The following SLCO3A1 variants were observed in gnomAD, a reference collection of about 807,000 sequenced individuals.
SLCO3A1 encodes PGE1 transporter.
A neutral mutation model predicts 63.1 loss-of-function variants in SLCO3A1; 27 were observed. The ratio of observed to expected loss-of-function variants is 0.43; its 90% CI spans 0.32 to 0.59. The LOEUF (loss-of-function observed/expected upper bound fraction) is 0.59. Among genes scored for constraint, SLCO3A1 ranks in the 20% least tolerant of loss-of-function variants. The pLI, the probability that SLCO3A1 is intolerant of heterozygous loss-of-function variation, is 0.09. For synonymous variants in SLCO3A1, 473 were observed against 409.9 expected, an observed-to-expected ratio of 1.15 and a Z score of -1.86; for missense variants, 773 against 945.8, an observed-to-expected ratio of 0.82 and a Z score of 2.40.
At chr15:92,024,651 C>CT (rs1335970237) in intron 2 of SLCO3A1, among the ~76,000 whole-genome samples, 1 of 152,184 alleles carries the variant, frequency 6.6e-6, no homozygotes, top group Non-Finnish European at 1.5e-5. Flanking sequence ...CTTCATGCTG[C>CT]TTACATCCTA....
At chr15:91,858,645 C>T (rs976536742) in intron 1 of SLCO3A1, among the ~76,000 whole-genome samples, 1 of 152,216 alleles carries the variant, frequency 6.6e-6, no homozygotes, top group African/African-American at 2.4e-5. Flanking sequence ...AGTGGCACCG[C>T]CTTGCTAATC....
At chr15:92,042,915 G>C (rs1284335888) in intron 2 of SLCO3A1, among the ~76,000 whole-genome samples, 3 of 152,116 alleles carry the variant, frequency 2.0e-5, no homozygotes, top group Non-Finnish European at 4.4e-5. Context: ...AGGTGTTAAG[G>C]TGTGTATTTT....
chr15:91,956,615 C>A (rs977763407), intron 2 of SLCO3A1, among the ~76,000 whole-genome samples: 18 of 151,656 alleles, frequency 1.2e-4, no homozygotes, highest in African/African-American at 4.4e-4. Context: ...AGAGAAAGAA[C>A]CTTTCTGCCT....
At chr15:92,082,481 G>A (rs775379387) in intron 2 of SLCO3A1, among the ~76,000 whole-genome samples, 5 of 152,050 alleles carry the variant, frequency 3.3e-5, no homozygotes, top group South Asian at 4.1e-4. Context: ...CAGCCAACCC[G>A]CGTTTCCTCC....
chr15:92,155,590 G>A (rs1039937413), intron 9 of SLCO3A1, among the ~76,000 whole-genome samples: 1 of 151,988 alleles, frequency 6.6e-6, no homozygotes, highest in East Asian at 2.0e-4. Context: ...AGAGCAGCAG[G>A]TGAGCAGGGC....
chr15:92,068,590 C>T (rs1345406687), intron 2 of SLCO3A1, among the ~76,000 whole-genome samples: 1 of 152,218 alleles, frequency 6.6e-6, no homozygotes, highest in Admixed American at 6.5e-5. Context: ...CTGCTCTTCT[C>T]ATGCTTGCTG....
At chr15:91,880,161 CCA>C (rs1491583457) in intron 1 of SLCO3A1, among the ~76,000 whole-genome samples, 109 of 149,642 alleles carry the variant, frequency 7.3e-4, no homozygotes, top group African/African-American at 2.2e-3. Flanking sequence ...ATCCATCCAT[CCA>C]TCCATCCATC....
At chr15:91,868,782 T>C (rs1478330634) in intron 1 of SLCO3A1, among the ~76,000 whole-genome samples, 2 of 152,216 alleles carry the variant, frequency 1.3e-5, no homozygotes. Context: ...CTCTGCAGTA[T>C]GTGCTACTGT....
chr15:92,165,825 A>T lies in SLCO3A1; in HGVS notation c.*2690A>T, dbSNP rs2048489672. The T allele has an allele frequency of 1.0e-6, 1 of 985,172 alleles. No homozygotes were observed. Among genetic ancestry groups the T allele is most frequent in the Non-Finnish European group, 1.2e-6 (1 of 829,810 alleles). The allele number at this position is 985,172 out of a possible 1,614,324, so 61.0% of individuals were successfully genotyped here. A position where few individuals can be genotyped will look rare whatever the true frequency, so the allele number is the denominator to read the frequency against. ...TCGATTATCTGTTTGGTTTCAAGTG[A>T]ATGAAAAGATTTCCTGGTAAGATCA... On this transcript the variant is annotated 3_prime_UTR_variant, in exon 10 of 10. Coordinates refer to ENST00000318445, the MANE Select transcript of SLCO3A1 (RefSeq NM_013272.4).
chr15:91,938,053 G>A (rs1008455394), intron 2 of SLCO3A1, among the ~76,000 whole-genome samples: 16 of 152,092 alleles, frequency 1.1e-4, no homozygotes, highest in Admixed American at 2.6e-4. Flanking sequence ...ATTAGCTTTC[G>A]TCATTATTAT....
chr15:92,099,824 G>A (rs2047582819), intron 3 of SLCO3A1, among the ~76,000 whole-genome samples: 1 of 152,154 alleles, frequency 6.6e-6, no homozygotes, highest in Non-Finnish European at 1.5e-5. Flanking sequence ...CATTTTGGGA[G>A]GCCGAGGCAG....
chr15:91,971,508 T>G (rs950331005), intron 2 of SLCO3A1, among the ~76,000 whole-genome samples: 2 of 151,946 alleles, frequency 1.3e-5, no homozygotes, highest in African/African-American at 4.8e-5. Flanking sequence ...TGTGCTTTTG[T>G]TGATGATTTT....
At chr15:91,857,266 C>G (rs780958457) in intron 1 of SLCO3A1, among the ~76,000 whole-genome samples, 5 of 152,118 alleles carry the variant, frequency 3.3e-5, no homozygotes, top group Non-Finnish European at 7.3e-5. Flanking sequence ...AGACACTGAT[C>G]CTGAAAGCCA....
chr15:91,929,830 CT>C (rs1435378634), intron 2 of SLCO3A1, among the ~76,000 whole-genome samples: 4 of 152,230 alleles, frequency 2.6e-5, no homozygotes, highest in Non-Finnish European at 5.9e-5. Flanking sequence ...TAGCAGGTTG[CT>C]CTCAAGGTTC....
rs1028587137 is a variant in SLCO3A1, at chr15:92,090,365, T to C, written c.647-4516T>C. Among the ~76,000 whole-genome samples, 3 of 152,214 alleles carry C rather than the reference T, an allele frequency of 2.0e-5. No homozygotes were observed. The East Asian group carries it at 5.8e-4, about 29-fold the overall frequency. ...CCTGTGAGTTCACTGCAGTACCCAA[T>C]GGTGTCCCAGCACAGTCTGTAAACT... On this transcript the variant is annotated intron_variant, in intron 2 of 9. Coordinates refer to ENST00000318445, the MANE Select transcript of SLCO3A1 (RefSeq NM_013272.4).
At chr15:92,044,796 A>T (rs1029191620) in intron 2 of SLCO3A1, among the ~76,000 whole-genome samples, 6 of 152,136 alleles carry the variant, frequency 3.9e-5, no homozygotes, top group Middle Eastern at 3.4e-3. Flanking sequence ...CTGTCCATCG[A>T]TTCCTCTTTC....
chr15:91,995,966 G>A (rs1220525331), intron 2 of SLCO3A1, among the ~76,000 whole-genome samples: 1 of 151,994 alleles, frequency 6.6e-6, no homozygotes, highest in Non-Finnish European at 1.5e-5. Flanking sequence ...CTTTATAATA[G>A]GAATGATTTA....
At chr15:91,985,449 G>C (rs534440013) in intron 2 of SLCO3A1, among the ~76,000 whole-genome samples, 1 of 152,312 alleles carries the variant, frequency 6.6e-6, no homozygotes, top group South Asian at 2.1e-4. Flanking sequence ...GGGTTTTGGT[G>C]AACATATGCC....
At chr15:92,018,530 G>T (rs969394030) in intron 2 of SLCO3A1, among the ~76,000 whole-genome samples, 2 of 152,200 alleles carry the variant, frequency 1.3e-5, no homozygotes, top group African/African-American at 4.8e-5. Context: ...CTTCCGCAGG[G>T]ATTGGAAGCT....
Sources: allele counts gnomAD v4.1 joint callset (sites outside exome capture counted in the v4.1 genomes callset), GRCh38; gene constraint gnomAD v4.1.1; transcripts MANE v1.5; gene names NCBI Gene and HGNC (gene_info 2026-07-23, HGNC 2026-07-21).